RBMS3: variants seen among roughly 807,000 people sequenced by gnomAD.
RBMS3 encodes RNA binding motif single stranded interacting protein 3, also known as RNA-binding motif, single-stranded-interacting protein 3.
A neutral mutation model predicts 66.8 loss-of-function variants in RBMS3; 27 were observed. The ratio of observed to expected loss-of-function variants is 0.40; its 90% CI spans 0.30 to 0.56. The LOEUF is 0.56. Ranked by LOEUF, RBMS3 falls within the 20% of genes least tolerant of loss-of-function variation. RBMS3 has a pLI of 0.40. For missense variants in RBMS3, 513 were observed against 549.5 expected, an observed-to-expected ratio of 0.93 and a Z score of 0.66; for synonymous variants, 188 against 183.0, an observed-to-expected ratio of 1.03 and a Z score of -0.22.
chr3:29,561,929 T>G (rs1045521655), intron 3 of RBMS3, among the ~76,000 whole-genome samples: 3 of 152,176 alleles, frequency 2.0e-5, no homozygotes, highest in Non-Finnish European at 4.4e-5. Flanking sequence ...TCATTTGTGG[T>G]TTTTTTCATA....
rs1191794913 is a variant in RBMS3 at position 29,991,188 on chromosome 3, C to CATATTCTT, written c.1288_1295dup (p.Gln433IlefsTer12). 6.2e-7 allele frequency: 1 copy of CATATTCTT among 1,614,046 alleles called. No homozygotes were observed. Among genetic ancestry groups the CATATTCTT allele is most frequent in the African/African-American group, 1.3e-5 (1 of 74,910 alleles). ...GACACATCCAACGAACATGCACCTG[C>CATATTCTT]ATATTCTTACCAACAGTCTAAGTAA... On this transcript the variant is annotated frameshift_variant, in exon 14 of 15. Transcript: ENST00000383767. LOFTEE classifies it high-confidence loss of function.
At chr3:29,482,697 C>CTTTTTTTTTTTTT (rs1216159878) in intron 2 of RBMS3, among the ~76,000 whole-genome samples, 38 of 92,914 alleles carry the variant, frequency 4.1e-4, no homozygotes, top group East Asian at 3.4e-3. Flanking sequence ...TTCTTTCTTT[C>CTTTTTTTTTTTTT]TTTCTTTTTT....
Position 29,578,790 on chromosome 3 carries a change from C to CTTTTTTTTT in RBMS3, c.308-8310_308-8302dup, listed in dbSNP as rs1185861167. Among the ~76,000 whole-genome samples, 74 of 101,064 alleles carry CTTTTTTTTT rather than the reference C, an allele frequency of 7.3e-4. 4 individuals are homozygous for CTTTTTTTTT. The highest frequency in any genetic ancestry group is 2.3e-3 in the African/African-American group (50 of 22,048). The allele number at this position is 101,064 out of a possible 152,430, so 66.3% of individuals were successfully genotyped here. A position where few individuals can be genotyped will look rare whatever the true frequency, so the allele number is the denominator to read the frequency against. Reference sequence around the variant, plus strand: ...AAAGAATCACAGGTAATACATGCTTCTTTTTTTTTTTTTTTTTTTTTTGAG... The same window carrying CTTTTTTTTT: ...AAAGAATCACAGGTAATACATGCTTCTTTTTTTTTTTTTTTTTTTTTTTTTTTTTTTGAG... On this transcript the variant is annotated intron_variant, in intron 3 of 14. Coordinates refer to ENST00000383767, the MANE Select transcript of RBMS3 (RefSeq NM_001003793.3).
chr3:29,494,839 G>A (rs1221047481), intron 3 of RBMS3, among the ~76,000 whole-genome samples: 1 of 147,686 alleles, frequency 6.8e-6, no homozygotes, highest in East Asian at 1.9e-4. Context: ...TATGTTTAGA[G>A]TAGAGGGAAT....
At chr3:29,424,805 T>C (rs537059128) in intron 1 of RBMS3, among the ~76,000 whole-genome samples, 1 of 152,282 alleles carries the variant, frequency 6.6e-6, no homozygotes, top group Admixed American at 6.5e-5. Flanking sequence ...ATCAGTAATA[T>C]GATTGGTTAA....
intron 4 of RBMS3, among the ~76,000 whole-genome samples, chr3:29,635,653 C>CA (rs1264282946): frequency 2.0e-5 from 3 of 151,760 alleles, no homozygotes; most frequent in South Asian, 4.1e-4. Context: ...CCTTCTACTG[C>CA]AAAAAGCCAG....
intron 7 of RBMS3, among the ~76,000 whole-genome samples, chr3:29,875,652 T>G (rs1252759490): frequency 6.6e-6 from 1 of 152,146 alleles, no homozygotes; most frequent in Non-Finnish European, 1.5e-5. Flanking sequence ...GTAACACTGT[T>G]TTGTCTTTTT....
At chr3:29,594,039 G>T (rs889413520) in intron 4 of RBMS3, among the ~76,000 whole-genome samples, 1 of 152,116 alleles carries the variant, frequency 6.6e-6, no homozygotes, top group African/African-American at 2.4e-5. Context: ...GTATCTAAAA[G>T]AAATGAGAGG....
intron 3 of RBMS3, among the ~76,000 whole-genome samples, chr3:29,540,159 G>T (rs1381407937): frequency 6.6e-6 from 1 of 151,968 alleles, no homozygotes; most frequent in African/African-American, 2.4e-5. Flanking sequence ...TTGTCCATAG[G>T]CCATACTTCC....
At chr3:29,768,867 A>C (rs1428774019) in intron 6 of RBMS3, among the ~76,000 whole-genome samples, 1 of 151,736 alleles carries the variant, frequency 6.6e-6, no homozygotes, top group Admixed American at 6.6e-5. Context: ...CTTTTCTATC[A>C]TCTCAGCTTC....
chr3:29,826,780 T>C (rs1471835058), intron 6 of RBMS3, among the ~76,000 whole-genome samples: 1 of 152,218 alleles, frequency 6.6e-6, no homozygotes, highest in East Asian at 1.9e-4. Flanking sequence ...GGCTTACTTA[T>C]ATTTTAATGC....
At chr3:29,386,747 C>T (rs952948151) in intron 1 of RBMS3, among the ~76,000 whole-genome samples, 16 of 152,190 alleles carry the variant, frequency 1.1e-4, no homozygotes, top group Admixed American at 7.9e-4. Context: ...TTAAAGCAAA[C>T]TCAGTAAACG....
chr3:29,896,195 T>G (rs1407032975), intron 8 of RBMS3, among the ~76,000 whole-genome samples: 2 of 151,448 alleles, frequency 1.3e-5, no homozygotes, highest in Non-Finnish European at 3.0e-5. Context: ...CTTAAAGAAT[T>G]TATTCCTTGA....
At chr3:29,922,236 C>A (rs1386724081) in intron 10 of RBMS3, among the ~76,000 whole-genome samples, 3 of 151,968 alleles carry the variant, frequency 2.0e-5, no homozygotes, top group Non-Finnish European at 1.5e-5. Flanking sequence ...GCCTGTAATC[C>A]CAGCACTTTG....
In RBMS3 at chr3:29,557,080, C is replaced by T. The variant is rs2046392621; in HGVS notation, c.308-30034C>T. ...AAAGTAGGTTTTCCTGGAAGTATTTCCTTAATAAATAGCTTTAATATAAAT... is the reference window on the plus strand; with the variant it reads ...AAAGTAGGTTTTCCTGGAAGTATTTTCTTAATAAATAGCTTTAATATAAAT... On this transcript the variant is annotated intron_variant, in intron 3 of 14. Transcript: ENST00000383767. Among the ~76,000 whole-genome samples the T allele has an allele frequency of 2.0e-5, 3 of 152,150 alleles. No homozygotes were observed. In the South Asian group the frequency reaches 6.2e-4, roughly 32 times the overall value.
intron 6 of RBMS3, among the ~76,000 whole-genome samples, chr3:29,831,724 T>A (rs2058373833): frequency 6.6e-6 from 1 of 152,104 alleles, no homozygotes; most frequent in Non-Finnish European, 1.5e-5. Context: ...TTCTTCATAA[T>A]TTTATGTAAG....
chr3:29,820,516 C>T (rs778746544), intron 6 of RBMS3, among the ~76,000 whole-genome samples: 1 of 152,054 alleles, frequency 6.6e-6, no homozygotes, highest in Non-Finnish European at 1.5e-5. Flanking sequence ...TTATTTTCCT[C>T]TTGCACTCAA....
chr3:29,660,733 T>C (rs932468923), intron 4 of RBMS3, among the ~76,000 whole-genome samples: 1 of 152,210 alleles, frequency 6.6e-6, no homozygotes, highest in Non-Finnish European at 1.5e-5. Context: ...ACTTGCACCT[T>C]TCTCAGGGCA....
intron 6 of RBMS3, among the ~76,000 whole-genome samples, chr3:29,798,538 G>A (rs1370923782): frequency 6.6e-6 from 1 of 152,026 alleles, no homozygotes; most frequent in Non-Finnish European, 1.5e-5. Flanking sequence ...TTAATTTATT[G>A]GCAAACAAAC....
Sources: gnomAD v4.1 joint callset for allele counts (sites outside exome capture counted in the v4.1 genomes callset) on GRCh38, gnomAD v4.1.1 for gene constraint, MANE v1.5 for transcripts, NCBI Gene and HGNC (gene_info 2026-07-23, HGNC 2026-07-21) for gene names.